Variants in ZNF805 observed in about 807,000 individuals in gnomAD.
The protein encoded by ZNF805 is CTC-444N24.8.
Under a neutral mutation model 13.6 loss-of-function variants are expected in ZNF805, and 7 were observed. The ratio of observed to expected loss-of-function variants is 0.51; its 90% CI spans 0.29 to 0.97. The LOEUF (loss-of-function observed/expected upper bound fraction) is 0.97. ZNF805 is among the 50% of genes least tolerant of loss of function. The pLI is 0.08. For missense variants in ZNF805, 604 were observed against 771.0 expected (o/e 0.78, Z 2.57); for synonymous variants, 293 against 279.8 (o/e 1.05, Z -0.47).
chr19:57,248,339 AT>A (rs1247710456), intron 2 of ZNF805, among the ~76,000 whole-genome samples: 5 of 152,196 alleles, frequency 3.3e-5, no homozygotes, highest in African/African-American at 4.8e-5. Context: ...TCACTTTTTA[AT>A]GCATTTAAAT....
rs940386729 is a variant in ZNF805 at position 57,260,896 on chromosome 19, A to G, written c.*6193A>G. Among the ~76,000 whole-genome samples, 2 of 152,236 alleles carry G rather than the reference A, an allele frequency of 1.3e-5. No individual in the cohort carries two copies. The highest frequency in any genetic ancestry group is 4.8e-5 in the African/African-American group (2 of 41,472). On this transcript the variant is annotated 3_prime_UTR_variant, in exon 4 of 4. Coordinates refer to ENST00000414468, the MANE Select transcript of ZNF805 (RefSeq NM_001023563.4). Reference sequence around the variant, plus strand: ...AAGAGAACACAAATTATTACTGTGTATCAGACATTGTTTCGAATGTTTTAC... The same window carrying G: ...AAGAGAACACAAATTATTACTGTGTGTCAGACATTGTTTCGAATGTTTTAC...
In ZNF805 at chr19:57,258,479, G is replaced by T. The variant is rs1249510653; in HGVS notation, c.*3776G>T. Among the ~76,000 whole-genome samples the T allele has an allele frequency of 2.0e-5, 2 of 101,192 alleles. No individual in the cohort carries two copies. Among genetic ancestry groups the T allele is most frequent in the Non-Finnish European group, 4.2e-5 (2 of 47,188 alleles). The allele number at this position is 101,192 out of a possible 152,430, so 66.4% of individuals were successfully genotyped here. A position where few individuals can be genotyped will look rare whatever the true frequency, so the allele number is the denominator to read the frequency against. ...TTTAACATTTTTTAGAATTCCATTT[G>T]ATATATTTGTAGTGTTTTTTAAATA... On this transcript the variant is annotated 3_prime_UTR_variant, in exon 4 of 4. Coordinates refer to ENST00000414468, the MANE Select transcript of ZNF805 (RefSeq NM_001023563.4).
chr19:57,243,464 A>G (rs1348505518), intron 1 of ZNF805, among the ~76,000 whole-genome samples: 1 of 152,182 alleles, frequency 6.6e-6, no homozygotes, highest in African/African-American at 2.4e-5. Context: ...GAGGTCACAA[A>G]ACTGGCAAGT....
Position 57,253,995 on chromosome 19 carries a change from C to T in ZNF805, c.1176C>T (p.Ile392=). 1.2e-6 allele frequency: 2 copies of T among 1,613,432 alleles called. No homozygotes were observed. Among genetic ancestry groups the T allele is most frequent in the Non-Finnish European group, 1.7e-6 (2 of 1,179,838 alleles). The change falls in exon 4 of 4, where the codon ATC becomes ATT. Residue 392 remains isoleucine, a synonymous_variant. Coordinates refer to ENST00000414468, the MANE Select transcript of ZNF805 (RefSeq NM_001023563.4). The surrounding 1 kb of genome is among the most constrained non-coding windows in gnomAD (Gnocchi z 4.4). ...CAGCGCTGATTCACCACTATGTCAT[C>T]CACACTGGAGAGAAGCCCTTTGAGT... is the stretch of plus-strand genomic sequence containing the variant. The part of the protein sequence containing the change: ...ESAALIHHYV[I]HTGEKPFECL...
In ZNF805 at chr19:57,248,620, G is replaced by C; in HGVS notation, c.173G>C (p.Arg58Thr). The C allele has an allele frequency of 6.3e-7, 1 of 1,595,024 alleles. No homozygotes were observed. Among genetic ancestry groups the C allele is most frequent in the Non-Finnish European group, 8.5e-7 (1 of 1,169,934 alleles). Reference sequence around the variant, plus strand: ...CCATAAACAGGGTGTCCTGTTCCCAGACCTGAGCTGATCTACCACCTAGAG... The same window carrying C: ...CCATAAACAGGGTGTCCTGTTCCCACACCTGAGCTGATCTACCACCTAGAG... ...LLVSLGCPVP[R>T]PELIYHLEHG... The change falls in exon 3 of 4, where the codon AGA becomes ACA. Residue 58 changes from arginine to threonine, a missense_variant. By Grantham distance (71) the Arg-to-Thr change is moderately conservative. This residue lies in a region of ZNF805 where 327 missense variants were observed against 378.2 expected (regional missense o/e 0.86). Coordinates refer to ENST00000414468, the MANE Select transcript of ZNF805 (RefSeq NM_001023563.4).
intron 2 of ZNF805, among the ~76,000 whole-genome samples, chr19:57,247,032 CTT>C (rs11286084): frequency 0.054 from 7,460 of 138,288 alleles, 581 homozygotes; most frequent in African/African-American, 0.18. Context: ...CTCTTGTGAA[CTT>C]TTTTTTTTTT....
At position 57,240,912 on chromosome 19, in the gene ZNF805, C is replaced by T. The variant is rs1599982952; in HGVS notation, c.21C>T (p.Asp7=). The T allele has an allele frequency of 1.3e-6, 2 of 1,558,944 alleles. No homozygotes were observed. The highest frequency in any genetic ancestry group is 1.2e-5 in the South Asian group (1 of 84,426). ...CCGGTATGGCGATGGCTTTGACGGA[C>T]CCGGCGCAGGTGAGTGGACAAGGTT... The part of the protein sequence containing the change: MAMALT[D]PAQVSVTFDD... Residue 7 remains aspartate, a synonymous_variant, in exon 1 of 4, where the codon GAC becomes GAT. Transcript: ENST00000414468.
rs2087693621 is a variant in ZNF805, at chr19:57,257,374, GAATTACCTATTCCTCCTTT to G, written c.*2674_*2692del. Among the ~76,000 whole-genome samples, 2 of 152,034 alleles carry G rather than the reference GAATTACCTATTCCTCCTTT, an allele frequency of 1.3e-5. No homozygotes were observed. The highest frequency in any genetic ancestry group is 2.9e-5 in the Non-Finnish European group (2 of 68,010). On this transcript the variant is annotated 3_prime_UTR_variant, in exon 4 of 4. Coordinates refer to ENST00000414468, the MANE Select transcript of ZNF805 (RefSeq NM_001023563.4). Reference sequence around the variant, plus strand: ...GTTGAAGTCCTGAGCTATAATTGTGGAATTACCTATTCCTCCTTTAAGTTCTATCAGTTTTTGCTCCACA... The same window carrying G: ...GTTGAAGTCCTGAGCTATAATTGTGGAAGTTCTATCAGTTTTTGCTCCACA...
At position 57,253,240 on chromosome 19, in the gene ZNF805, C is replaced by A. The variant is rs746329677; in HGVS notation, c.421C>A (p.Pro141Thr). The A allele has an allele frequency of 1.3e-6, 2 of 1,557,316 alleles. No individual in the cohort carries two copies. Among genetic ancestry groups the A allele is most frequent in the South Asian group, 2.4e-5 (2 of 84,108 alleles). Residue 141 changes from proline (P) to threonine (T), a missense_variant, in exon 4 of 4, where the codon CCA (proline) becomes ACA (threonine). Pro to Thr is a conservative substitution (Grantham distance 38). Coordinates refer to ENST00000414468, the MANE Select transcript of ZNF805 (RefSeq NM_001023563.4). This position sits in a 1 kb window ranked among gnomAD's most constrained non-coding sequence, Gnocchi z 4.4. ...AGAAATGCAGGGAGAACGCTTGAGA[C>A]CAGGGTTAGATTCCCAAAAGGAGAA... ...FSEMQGERLR[P>T]GLDSQKEKLP...
At chr19:57,245,571 AG>A in intron 2 of ZNF805, among the ~76,000 whole-genome samples, 1 of 149,896 alleles carries the variant, frequency 6.7e-6, no homozygotes, top group Non-Finnish European at 1.5e-5. Context: ...CAAGGTCAGG[AG>A]ATAGAGACCA....
intron 2 of ZNF805, 97 bp from the exon 3 acceptor site, chr19:57,248,508 C>G (rs992037229): frequency 4.3e-6 from 5 of 1,153,176 alleles, no homozygotes; most frequent in African/African-American, 1.5e-5. Flanking sequence ...AGCTTCATTC[C>G]AAGGTCTGGT....
chr19:57,240,800 C>G lies in ZNF805; in HGVS notation c.-92C>G, dbSNP rs955150423. On this transcript the variant is annotated 5_prime_UTR_variant, in exon 1 of 4. Coordinates refer to ENST00000414468, the MANE Select transcript of ZNF805 (RefSeq NM_001023563.4). ...TGACTGTCAGCCAAGGTCACCGGGCCCGGCGCAGGGAAGGGGTGGGGCTCG... is the reference window on the plus strand; with the variant it reads ...TGACTGTCAGCCAAGGTCACCGGGCGCGGCGCAGGGAAGGGGTGGGGCTCG... 3 of 1,287,112 alleles carry G rather than the reference C, an allele frequency of 2.3e-6. No homozygotes were observed. The highest frequency in any genetic ancestry group is 2.8e-5 in the East Asian group (1 of 36,180). 79.7% of individuals were successfully genotyped at this position (1,287,112 alleles called of 1,614,324 possible).
At position 57,261,037 on chromosome 19, in the gene ZNF805, T is replaced by C. The variant is rs1198670147; in HGVS notation, c.*6334T>C. 6.6e-6 allele frequency among the ~76,000 whole-genome samples: 1 copy of C among 152,212 alleles called. No individual in the cohort carries two copies. The highest frequency in any genetic ancestry group is 1.5e-5 in the Non-Finnish European group (1 of 68,040). ...GAATTTGTCAAAGATTTCACAATTATGAAATTTGGGTTTGGGGACTGGAAG... is the reference window on the plus strand; with the variant it reads ...GAATTTGTCAAAGATTTCACAATTACGAAATTTGGGTTTGGGGACTGGAAG... On this transcript the variant is annotated 3_prime_UTR_variant, in exon 4 of 4. Coordinates refer to ENST00000414468, the MANE Select transcript of ZNF805 (RefSeq NM_001023563.4).
chr19:57,257,105 A>G lies in ZNF805; in HGVS notation c.*2402A>G, dbSNP rs1812028805. 2.0e-5 allele frequency among the ~76,000 whole-genome samples: 3 copies of G among 152,050 alleles called. No individual in the cohort carries two copies. In the South Asian group the frequency reaches 6.2e-4, roughly 32 times the overall value. On this transcript the variant is annotated 3_prime_UTR_variant, in exon 4 of 4. Coordinates refer to ENST00000414468, the MANE Select transcript of ZNF805 (RefSeq NM_001023563.4). ...TTTGGAGTATTCCCTGCTATTTGTTATTGATTTCTAATTTGTTTTGCATTT... is the reference window on the plus strand; with the variant it reads ...TTTGGAGTATTCCCTGCTATTTGTTGTTGATTTCTAATTTGTTTTGCATTT...
In ZNF805 at chr19:57,261,635, A is replaced by G. The variant is rs1401892642; in HGVS notation, c.*6932A>G. On this transcript the variant is annotated 3_prime_UTR_variant, in exon 4 of 4. Transcript: ENST00000414468. ...CAAAGCTGTGCATATAGGTGGCACC[A>G]TATATGGCGTACCTTGACCTCGAAG... The G allele has an allele frequency of 6.0e-6, 1 of 167,052 alleles. No individual in the cohort carries two copies. The highest frequency in any genetic ancestry group is 2.4e-5 in the African/African-American group (1 of 41,446). 10.3% of individuals were successfully genotyped at this position (167,052 alleles called of 1,614,324 possible). A position where few individuals can be genotyped will look rare whatever the true frequency, so the allele number is the denominator to read the frequency against.
intron 3 of ZNF805, 145 bp downstream of exon 3, chr19:57,248,845 T>C: frequency 1.3e-6 from 1 of 765,448 alleles, no homozygotes; most frequent in Admixed American, 2.3e-5. Flanking sequence ...CTGTGGTTTC[T>C]CCGTCCTCCC....
chr19:57,258,007 ATTTTTTT>A lies in ZNF805; in HGVS notation c.*3320_*3326del, dbSNP rs56311072. Among the ~76,000 whole-genome samples, 1 of 95,692 alleles carries A rather than the reference ATTTTTTT, an allele frequency of 1.0e-5. No homozygotes were observed. Among genetic ancestry groups the A allele is most frequent in the African/African-American group, 4.5e-5 (1 of 22,350 alleles). 62.8% of individuals were successfully genotyped at this position (95,692 alleles called of 152,430 possible). A position where few individuals can be genotyped will look rare whatever the true frequency, so the allele number is the denominator to read the frequency against. ...ACTGGTATGAGCAACCACGCACAGC[ATTTTTTT>A]TTTTTTTTTTTTTTTGAGACGGAGT... On this transcript the variant is annotated 3_prime_UTR_variant, in exon 4 of 4. Coordinates refer to ENST00000414468, the MANE Select transcript of ZNF805 (RefSeq NM_001023563.4).
chr19:57,240,809 G>A lies in ZNF805; in HGVS notation c.-83G>A. 7.3e-7 allele frequency: 1 copy of A among 1,366,456 alleles called. No individual in the cohort carries two copies. The highest frequency in any genetic ancestry group is 9.9e-7 in the Non-Finnish European group (1 of 1,006,658). 84.6% of individuals were successfully genotyped at this position (1,366,456 alleles called of 1,614,324 possible). On this transcript the variant is annotated 5_prime_UTR_variant, in exon 1 of 4. Coordinates refer to ENST00000414468, the MANE Select transcript of ZNF805 (RefSeq NM_001023563.4). ...GCCAAGGTCACCGGGCCCGGCGCAG[G>A]GAAGGGGTGGGGCTCGGCTGAGCCC...
chr19:57,254,650 A>G lies in ZNF805; in HGVS notation c.1831A>G (p.Met611Val). 6.2e-7 allele frequency: 1 copy of G among 1,614,166 alleles called. No individual in the cohort carries two copies. The highest frequency in any genetic ancestry group is 8.5e-7 in the Non-Finnish European group (1 of 1,180,008). Residue 611 changes from methionine to valine, a missense_variant, in exon 4 of 4, where the codon ATG becomes GTG. This residue lies in a region of ZNF805 where 49 missense variants were observed against 40.0 expected (regional missense o/e 1.23). Coordinates refer to ENST00000414468, the MANE Select transcript of ZNF805 (RefSeq NM_001023563.4). ...ENLLQEEASY[M>V]ASDRTYQRET... ...TCTTTTGCAAGAGGAAGCATCTTAC[A>G]TGGCATCTGATCGTACATACCAAAG...
Sources: gnomAD v4.1 joint callset for allele counts (sites outside exome capture counted in the v4.1 genomes callset) on GRCh38, gnomAD v4.1.1 for gene constraint, gnomAD v4.1.1 regional missense constraint, Gnocchi (gnomAD v3.1) non-coding constraint, MANE v1.5 for transcripts, NCBI Gene and HGNC (gene_info 2026-07-23, HGNC 2026-07-21) for gene names.